The following RGS7 variants were observed in gnomAD, a reference collection of about 807,000 sequenced individuals.
RGS7 encodes the protein regulator of G protein signaling 7, also known as regulator of G-protein signaling 7.
RGS7 carries 27 observed loss-of-function variants against 81.1 expected under a neutral mutation model. That is an observed-to-expected ratio of 0.33 (90% CI 0.25 to 0.46). The LOEUF is 0.46. RGS7 is among the 20% of genes least tolerant of loss of function. RGS7 has a pLI of 1.00. For synonymous variants in RGS7, 208 were observed against 207.7 expected (o/e 1.00, Z -0.01); for missense variants, 396 against 607.4 (o/e 0.65, Z 3.66).
chr1:240,985,806 T>C (rs1294163487), intron 3 of RGS7, among the ~76,000 whole-genome samples: 1 of 152,020 alleles, frequency 6.6e-6, no homozygotes, highest in African/African-American at 2.4e-5. Flanking sequence ...AAATCCAGTA[T>C]CTTATTGGAA....
chr1:241,070,528 T>A (rs2062374693), intron 3 of RGS7, among the ~76,000 whole-genome samples: 1 of 152,216 alleles, frequency 6.6e-6, no homozygotes, highest in Non-Finnish European at 1.5e-5. Context: ...TTTGCAAAGT[T>A]GTGGAAATGT....
intron 2 of RGS7, among the ~76,000 whole-genome samples, chr1:241,327,120 AAG>A (rs1491453165): frequency 1.8e-5 from 2 of 112,140 alleles, no homozygotes; most frequent in Non-Finnish European, 3.9e-5. Flanking sequence ...GAAAGAAAGA[AAG>A]AAAGAAAGAA....
chr1:241,345,742 T>C (rs1469304855), intron 2 of RGS7, among the ~76,000 whole-genome samples: 1 of 151,998 alleles, frequency 6.6e-6, no homozygotes, highest in Non-Finnish European at 1.5e-5. Flanking sequence ...AATTTAATAC[T>C]TAAGGCCAGG....
chr1:241,126,312 G>A (rs373832781), intron 2 of RGS7, among the ~76,000 whole-genome samples: 21 of 152,106 alleles, frequency 1.4e-4, no homozygotes, highest in East Asian at 1.2e-3. Context: ...ACCACACCCG[G>A]CTAATTTTGT....
At chr1:241,089,063 C>A (rs796136606) in intron 3 of RGS7, among the ~76,000 whole-genome samples, 513 of 23,630 alleles carry the variant, frequency 0.022, 17 homozygotes, top group Non-Finnish European at 0.028. Context: ...CTCTCTCTCT[C>A]TATATATATA....
intron 2 of RGS7, among the ~76,000 whole-genome samples, chr1:241,239,865 G>A (rs892888866): frequency 2.0e-5 from 3 of 152,162 alleles, no homozygotes; most frequent in African/African-American, 7.2e-5. Context: ...GAACTAGAGG[G>A]CCATCGATGA....
intron 15 of RGS7, among the ~76,000 whole-genome samples, chr1:240,803,216 A>G (rs1459502640): frequency 6.6e-6 from 1 of 152,164 alleles, no homozygotes; most frequent in Non-Finnish European, 1.5e-5. Flanking sequence ...GAGGAGGCAA[A>G]TCACATCCAG....
At chr1:240,973,909 T>A (rs1486965103) in intron 4 of RGS7, among the ~76,000 whole-genome samples, 1 of 152,174 alleles carries the variant, frequency 6.6e-6, no homozygotes, top group East Asian at 1.9e-4. Context: ...TCAGTTCTGA[T>A]GCACCCTCAT....
At chr1:241,353,603 T>C (rs1167412860) in intron 2 of RGS7, among the ~76,000 whole-genome samples, 2 of 152,174 alleles carry the variant, frequency 1.3e-5, no homozygotes, top group African/African-American at 4.8e-5. Context: ...TTTCCAATAA[T>C]GCCTTATCAA....
In RGS7 at chr1:241,301,541, T is replaced by C. The variant is rs77537531; in HGVS notation, c.78+54158A>G. Reference sequence around the variant, plus strand: ...CTGGTAGAGAGAGCAGCATGTTAAGTTGTGTAAGTGTTTGCTGAAGGACAA... The same window carrying C: ...CTGGTAGAGAGAGCAGCATGTTAAGCTGTGTAAGTGTTTGCTGAAGGACAA... On this transcript the variant is annotated intron_variant, in intron 2 of 18. Coordinates refer to ENST00000440928, the MANE Select transcript of RGS7 (RefSeq NM_001364886.1). Among the ~76,000 whole-genome samples, 1,273 of 152,332 alleles carry C rather than the reference T, an allele frequency of 8.4e-3. 14 individuals carry two copies. Among genetic ancestry groups the C allele is most frequent in the African/African-American group, 0.029 (1,210 of 41,578 alleles).
chr1:240,970,059 T>C (rs1352804034), intron 4 of RGS7, among the ~76,000 whole-genome samples: 5 of 152,234 alleles, frequency 3.3e-5, no homozygotes, highest in Non-Finnish European at 7.3e-5. Context: ...TCAGTAAATG[T>C]GAGCTTTCTT....
intron 2 of RGS7, among the ~76,000 whole-genome samples, chr1:241,288,975 C>T (rs1475776335): frequency 1.3e-5 from 2 of 152,212 alleles, no homozygotes; most frequent in Non-Finnish European, 2.9e-5. Context: ...CAAAACGACT[C>T]GCCTGCTCAG....
rs149528204 is a variant in RGS7 at position 241,230,130 on chromosome 1, T to C, written c.78+125569A>G. On this transcript the variant is annotated intron_variant, in intron 2 of 18. Coordinates refer to ENST00000440928, the MANE Select transcript of RGS7 (RefSeq NM_001364886.1). Reference sequence around the variant, plus strand: ...AAATCTGACTTTTCTAACCTTGCCTTATACTTCTTGGAAATTCCTACTTAA... The same window carrying C: ...AAATCTGACTTTTCTAACCTTGCCTCATACTTCTTGGAAATTCCTACTTAA... 9.8e-5 allele frequency among the ~76,000 whole-genome samples: 15 copies of C among 152,324 alleles called. No homozygotes were observed. The East Asian group carries it at 2.7e-3, about 27-fold the overall frequency.
chr1:241,194,741 AG>A (rs544273845), intron 2 of RGS7, among the ~76,000 whole-genome samples: 282 of 152,324 alleles, frequency 1.9e-3, no homozygotes, highest in Non-Finnish European at 3.7e-3. Flanking sequence ...AGAGCCATCA[AG>A]GTAAAGAGGG....
intron 2 of RGS7, among the ~76,000 whole-genome samples, chr1:241,334,760 G>GA (rs879582554): frequency 2.4e-4 from 37 of 151,108 alleles, no homozygotes; most frequent in Non-Finnish European, 4.6e-4. Flanking sequence ...GAAATTGCAA[G>GA]AAAAAAAATA....
At chr1:241,156,169 G>GATACATACATACATAC (rs1345706149) in intron 2 of RGS7, among the ~76,000 whole-genome samples, 12 of 142,858 alleles carry the variant, frequency 8.4e-5, no homozygotes, top group African/African-American at 3.0e-4. Flanking sequence ...TAGATAGATA[G>GATACATACATACATAC]ATACATATAC....
chr1:240,980,389 G>C (rs1684740410), intron 4 of RGS7, among the ~76,000 whole-genome samples: 1 of 152,088 alleles, frequency 6.6e-6, no homozygotes. Flanking sequence ...CCCTCTTTCA[G>C]CAAATTATTG....
chr1:241,345,787 G>A (rs2082859234), intron 2 of RGS7, among the ~76,000 whole-genome samples: 1 of 152,116 alleles, frequency 6.6e-6, no homozygotes, highest in African/African-American at 2.4e-5. Flanking sequence ...GGAGGCCGAG[G>A]TGGGTGGATC....
intron 2 of RGS7, among the ~76,000 whole-genome samples, chr1:241,198,975 T>C (rs2073286055): frequency 6.6e-6 from 1 of 151,954 alleles, no homozygotes; most frequent in Non-Finnish European, 1.5e-5. Context: ...AAAGATAATA[T>C]ACAACCAAAC....
Sources: allele counts gnomAD v4.1 joint callset (sites outside exome capture counted in the v4.1 genomes callset), GRCh38; gene constraint gnomAD v4.1.1; transcripts MANE v1.5; gene names NCBI Gene and HGNC (gene_info 2026-07-23, HGNC 2026-07-21).